Variants in LMNB1 observed in about 807,000 individuals in gnomAD.
The protein encoded by LMNB1 is lamin B1.
A neutral mutation model predicts 67.1 loss-of-function variants in LMNB1; 23 were observed. That is an observed-to-expected ratio of 0.34 (90% CI 0.25 to 0.49). The LOEUF (loss-of-function observed/expected upper bound fraction) is 0.49. Among genes scored for constraint, LMNB1 ranks in the 20% least tolerant of loss-of-function variants. The pLI is 0.99. For missense variants in LMNB1, 634 were observed against 746.5 expected (o/e 0.85, Z 1.76); for synonymous variants, 281 against 282.9 (o/e 0.99, Z 0.07).
At chr5:126,777,897 C>T (rs1427943910) in intron 1 of LMNB1, 30 bp downstream of exon 1, 3 of 1,381,000 alleles carry the variant, frequency 2.2e-6, no homozygotes, top group Non-Finnish European at 2.8e-6. Flanking sequence ...CGCGTTAGCG[C>T]CAAGGAGGGG....
intron 1 of LMNB1, among the ~76,000 whole-genome samples, chr5:126,800,982 A>ATATAATT: frequency 1.6e-4 from 3 of 18,638 alleles, no homozygotes; most frequent in South Asian, 2.8e-3. Context: ...TATATATATA[A>ATATAATT]TTTTTTTTTT....
intron 2 of LMNB1, 118 bp downstream of exon 2, chr5:126,805,050 A>G (rs1751384659): frequency 2.1e-6 from 2 of 936,982 alleles, no homozygotes; most frequent in East Asian, 2.7e-5. Flanking sequence ...AATTTTATAT[A>G]TTTGTTTTCT....
chr5:126,819,017 G>C lies in LMNB1; in HGVS notation c.1035G>C (p.Glu345Asp). 1 of 1,614,134 alleles carries C rather than the reference G, an allele frequency of 6.2e-7. No individual in the cohort carries two copies. Among genetic ancestry groups the C allele is most frequent in the Non-Finnish European group, 8.5e-7 (1 of 1,179,976 alleles). The stretch of plus-strand genomic sequence containing the variant: ...GCATGCTGACAGACAAAGAGAGAGA[G>C]ATGGCGGAAATAAGGGATCAAATGC... The part of the protein sequence containing the change: ...SRRMLTDKER[E>D]MAEIRDQMQQ... Residue 345 changes from glutamate (E) to aspartate (D), a missense_variant, in exon 6 of 11, where the codon GAG (glutamate) becomes GAC (aspartate). Transcript: ENST00000261366.
chr5:126,811,996 T>A lies in LMNB1; in HGVS notation c.939+98T>A, dbSNP rs900055282. Reference sequence around the variant, plus strand: ...TGGGCTGATGTCACTCCTCCCTCTGTTTGTTACAGAGGATGGTGTCATCCT... The same window carrying A: ...TGGGCTGATGTCACTCCTCCCTCTGATTGTTACAGAGGATGGTGTCATCCT... On this transcript the variant is annotated intron_variant, in intron 5 of 10. Transcript: ENST00000261366. The A allele has an allele frequency of 3.3e-6, 4 of 1,218,780 alleles. No individual in the cohort carries two copies. The South Asian group carries it at 5.5e-5, about 17-fold the overall frequency. The allele number at this position is 1,218,780 out of a possible 1,614,324, so 75.5% of individuals were successfully genotyped here.
upstream of LMNB1, chr5:126,776,976 C>A (rs1750466108): frequency 6.5e-6 from 1 of 152,814 alleles, no homozygotes; most frequent in Admixed American, 6.5e-5. Flanking sequence ...CCCGAACCGC[C>A]GAAGCGCGCT....
intron 9 of LMNB1, among the ~76,000 whole-genome samples, chr5:126,827,895 C>T (rs760877940): frequency 1.3e-5 from 2 of 152,136 alleles, no homozygotes; most frequent in South Asian, 4.1e-4. Context: ...CATAGTGCCA[C>T]GGGCAGGCCT....
intron 5 of LMNB1, among the ~76,000 whole-genome samples, chr5:126,814,056 C>T (rs1751644478): frequency 6.6e-6 from 1 of 152,130 alleles, no homozygotes; most frequent in African/African-American, 2.4e-5. Context: ...CCACCACACC[C>T]TGCTAATTTT....
intron 4 of LMNB1, 75 bp from the exon 5 acceptor site, chr5:126,811,698 G>A (rs1458054112): frequency 1.4e-6 from 2 of 1,427,402 alleles, no homozygotes; most frequent in Admixed American, 1.9e-5. Context: ...GGTTTGAAAT[G>A]CCTTGAGGTG....
At chr5:126,788,549 A>G (rs6864284) in intron 1 of LMNB1, among the ~76,000 whole-genome samples, 3,136 of 152,258 alleles carry the variant, frequency 0.021, 50 homozygotes, top group Middle Eastern at 0.054. Flanking sequence ...AGGCAGGAGA[A>G]TCACTTGAAC....
rs187676715 is a variant in LMNB1, at chr5:126,820,551, G to T, written c.1161-359G>T. ...TCTTATTATTATTATTTTGAGACAG[G>T]TTTTCACTCTGTCACCCAGGCTAGA... On this transcript the variant is annotated intron_variant, in intron 6 of 10. Transcript: ENST00000261366. Among the ~76,000 whole-genome samples the T allele has an allele frequency of 1.4e-4, 22 of 152,074 alleles. No homozygotes were observed. In the East Asian group the frequency reaches 4.2e-3, roughly 29 times the overall value.
chr5:126,777,811 C>T lies in LMNB1; in HGVS notation c.303C>T (p.Ala101=). ...TCGACGACACGGCCCGCGAGCGCGCCAAGCTGCAGATCGAGCTGGGCAAGT... is the reference window on the plus strand; with the variant it reads ...TCGACGACACGGCCCGCGAGCGCGCTAAGCTGCAGATCGAGCTGGGCAAGT... The part of the protein sequence containing the change: ...RALDDTARER[A]KLQIELGKCK... The change falls in exon 1 of 11, where the codon GCC becomes GCT. Residue 101 remains alanine (A), a synonymous_variant. Coordinates refer to ENST00000261366, the MANE Select transcript of LMNB1 (RefSeq NM_005573.4). 6.7e-7 allele frequency: 1 copy of T among 1,488,444 alleles called. No individual in the cohort carries two copies. The highest frequency in any genetic ancestry group is 9.0e-7 in the Non-Finnish European group (1 of 1,117,200). The allele number at this position is 1,488,444 out of a possible 1,614,324, so 92.2% of individuals were successfully genotyped here. A position where few individuals can be genotyped will look rare whatever the true frequency, so the allele number is the denominator to read the frequency against.
intron 7 of LMNB1, 99 bp from the exon 8 acceptor site, chr5:126,822,682 G>A (rs1377511692): frequency 9.5e-6 from 6 of 629,668 alleles, no homozygotes; most frequent in East Asian, 3.0e-5. Flanking sequence ...ACCATAAAGC[G>A]GTCTTAGTTT....
chr5:126,788,396 G>T (rs763152612), intron 1 of LMNB1, among the ~76,000 whole-genome samples: 8 of 152,158 alleles, frequency 5.3e-5, no homozygotes, highest in Non-Finnish European at 1.0e-4. Context: ...CCAGCACTTT[G>T]GGAGGCTGAG....
chr5:126,794,720 C>T (rs954503958), intron 1 of LMNB1, among the ~76,000 whole-genome samples: 2 of 152,170 alleles, frequency 1.3e-5, no homozygotes, highest in African/African-American at 4.8e-5. Flanking sequence ...TCTGTATGTA[C>T]AGTGGGTCTG....
At chr5:126,795,454 A>G (rs1344058177) in intron 1 of LMNB1, among the ~76,000 whole-genome samples, 1 of 151,578 alleles carries the variant, frequency 6.6e-6, no homozygotes. Context: ...TTCATTTTCA[A>G]GTAGTTATTG....
At position 126,826,078 on chromosome 5, in the gene LMNB1, A is replaced by G. The variant is rs753129472; in HGVS notation, c.1582A>G (p.Lys528Glu). 36 of 1,613,470 alleles carry G rather than the reference A, an allele frequency of 2.2e-5. No homozygotes were observed. The highest frequency in any genetic ancestry group is 3.3e-4 in the Middle Eastern group (2 of 6,080). Residue 528 changes from lysine to glutamate, a missense_variant, in exon 9 of 11, where the codon AAG (lysine) becomes GAG (glutamate). Transcript: ENST00000261366. ...CTCGTGGGGCACTGGCGAAGATGTG[A>G]AGGTTATATTGAAAAATTCTCAGGG... ...QNSWGTGEDV[K>E]VILKNSQGEE...
At chr5:126,828,169 T>A (rs932681671) in intron 9 of LMNB1, among the ~76,000 whole-genome samples, 2 of 152,226 alleles carry the variant, frequency 1.3e-5, no homozygotes, top group Non-Finnish European at 2.9e-5. Flanking sequence ...TGTCTATCCC[T>A]CACTGTAACC....
Position 126,781,161 on chromosome 5 carries a change from C to T in LMNB1, c.359+3294C>T, listed in dbSNP as rs765694891. Among the ~76,000 whole-genome samples the T allele has an allele frequency of 2.1e-3, 326 of 152,210 alleles. 1 individual carries two copies. The highest frequency in any genetic ancestry group is 6.3e-3 in the African/African-American group (260 of 41,528). ...CAAATTAGCCGCGTGTGGTAGTGGA[C>T]GCCTGCAATCCCAGTTACTGTGGAG... On this transcript the variant is annotated intron_variant, in intron 1 of 10. Coordinates refer to ENST00000261366, the MANE Select transcript of LMNB1 (RefSeq NM_005573.4).
At chr5:126,806,826 G>A (rs1751447666) in intron 3 of LMNB1, among the ~76,000 whole-genome samples, 1 of 151,686 alleles carries the variant, frequency 6.6e-6, no homozygotes, top group Admixed American at 6.6e-5. Context: ...CGCCCAGGCT[G>A]GAATGCAGTG....
Sources: gnomAD v4.1 joint callset for allele counts (sites outside exome capture counted in the v4.1 genomes callset) on GRCh38, gnomAD v4.1.1 for gene constraint, MANE v1.5 for transcripts, NCBI Gene and HGNC (gene_info 2026-07-23, HGNC 2026-07-21) for gene names.